Variants in GPR158 observed in about 807,000 individuals in gnomAD.
GPR158 encodes the protein G protein-coupled receptor 158.
GPR158 carries 30 observed loss-of-function variants against 78.2 expected under a neutral mutation model. The ratio of observed to expected loss-of-function variants is 0.38; its 90% confidence interval spans 0.29 to 0.52. The LOEUF (loss-of-function observed/expected upper bound fraction) is 0.52, where lower values mean the gene tolerates loss of function less well. Ranked by LOEUF, GPR158 falls within the 20% of genes least tolerant of loss-of-function variation. The pLI is 0.83. For synonymous variants in GPR158, 581 were observed against 591.1 expected, an observed-to-expected ratio of 0.98 and a Z score of 0.25; for missense variants, 1,463 against 1,523.5, an observed-to-expected ratio of 0.96 and a Z score of 0.66.
intron 4 of GPR158, among the ~76,000 whole-genome samples, chr10:25,426,434 G>A (rs1834821132): frequency 6.6e-6 from 1 of 152,068 alleles, no homozygotes; most frequent in Non-Finnish European, 1.5e-5. Context: ...CTCCCTAAGT[G>A]TAATCATTTC....
intron 5 of GPR158, among the ~76,000 whole-genome samples, chr10:25,526,103 TA>T (rs4017850): frequency 0.25 from 16,905 of 68,066 alleles, 1,397 homozygotes; most frequent in Non-Finnish European, 0.3. Context: ...CAATTTTGTC[TA>T]AAAAAAAAAA....
At position 25,596,711 on chromosome 10, in the gene GPR158, G is replaced by A. The variant is rs745935007; in HGVS notation, c.2067G>A (p.Met689Ile). ...AAGCATATGAGGATGAGCTAGACAT[G>A]GGCCGATCTGGATCCTACCTGAACA... ...ATEAYEDELD[M>I]GRSGSYLNSS... The change falls in exon 10 of 11, where the codon ATG (methionine) becomes ATA (isoleucine). Residue 689 changes from methionine (M) to isoleucine (I), a missense_variant. Met to Ile is a conservative substitution (Grantham distance 10, BLOSUM62 1). Transcript: ENST00000376351. The A allele has an allele frequency of 2.5e-6, 4 of 1,613,356 alleles. No individual in the cohort carries two copies. In the African/African-American group the frequency reaches 4.0e-5, roughly 16 times the overall value.
At chr10:25,457,868 T>G (rs940297730) in intron 4 of GPR158, among the ~76,000 whole-genome samples, 2 of 152,206 alleles carry the variant, frequency 1.3e-5, no homozygotes, top group Non-Finnish European at 2.9e-5. Flanking sequence ...CATTTAAGTG[T>G]GCACATTATT....
At chr10:25,179,933 C>T (rs1029825432) in intron 1 of GPR158, among the ~76,000 whole-genome samples, 6 of 152,056 alleles carry the variant, frequency 3.9e-5, no homozygotes, top group Admixed American at 1.3e-4. Context: ...GATTTTTCTT[C>T]GTGGGACTTA....
intron 4 of GPR158, among the ~76,000 whole-genome samples, chr10:25,432,710 A>G (rs1834928758): frequency 6.6e-6 from 1 of 152,032 alleles, no homozygotes; most frequent in Admixed American, 6.5e-5. Context: ...AGCACTTCCC[A>G]ATTTTTTCTT....
intron 3 of GPR158, among the ~76,000 whole-genome samples, chr10:25,401,932 G>A (rs11014527): frequency 0.088 from 13,409 of 151,950 alleles, 642 homozygotes; most frequent in East Asian, 0.17. Flanking sequence ...TTCCTACCTG[G>A]CTTTTAGCAA....
chr10:25,187,818 A>G (rs1019829007), intron 1 of GPR158, among the ~76,000 whole-genome samples: 1 of 152,204 alleles, frequency 6.6e-6, no homozygotes, highest in African/African-American at 2.4e-5. Flanking sequence ...AAGGGTATTC[A>G]ATTAGGAAAA....
At chr10:25,479,842 T>A (rs1182353498) in intron 5 of GPR158, among the ~76,000 whole-genome samples, 1 of 152,170 alleles carries the variant, frequency 6.6e-6, no homozygotes, top group Admixed American at 6.6e-5. Flanking sequence ...ATTTCTCCTC[T>A]TCTTCGTGAT....
chr10:25,560,948 C>T (rs1028417941), intron 6 of GPR158, among the ~76,000 whole-genome samples: 1 of 152,048 alleles, frequency 6.6e-6, no homozygotes, highest in Non-Finnish European at 1.5e-5. Flanking sequence ...CTAGGAAATA[C>T]TTAATGTGTG....
chr10:25,375,054 G>A (rs1341736109), intron 2 of GPR158, among the ~76,000 whole-genome samples: 2 of 151,434 alleles, frequency 1.3e-5, no homozygotes, highest in Non-Finnish European at 3.0e-5. Flanking sequence ...GCCAGTAGTT[G>A]GTGTGATCAC....
intron 5 of GPR158, among the ~76,000 whole-genome samples, chr10:25,468,988 G>A (rs1043124323): frequency 2.6e-5 from 4 of 152,208 alleles, no homozygotes; most frequent in Admixed American, 2.6e-4. Context: ...TCCCTTGGCA[G>A]AGACCTGAAA....
chr10:25,287,212 T>C (rs1438002929), intron 2 of GPR158, among the ~76,000 whole-genome samples: 1 of 152,002 alleles, frequency 6.6e-6, no homozygotes, highest in Non-Finnish European at 1.5e-5. Context: ...TTTCCACTGC[T>C]CTTCCCCGAG....
intron 2 of GPR158, among the ~76,000 whole-genome samples, chr10:25,318,275 A>C (rs762545044): frequency 1.2e-4 from 18 of 150,996 alleles, no homozygotes; most frequent in Non-Finnish European, 2.1e-4. Flanking sequence ...TTACTGTGCA[A>C]TTTCCAACAG....
intron 2 of GPR158, among the ~76,000 whole-genome samples, chr10:25,275,126 TAAA>T (rs949432687): frequency 1.3e-5 from 2 of 152,202 alleles, no homozygotes; most frequent in African/African-American, 4.8e-5. Context: ...TAAATCTCCT[TAAA>T]AAGTTTCCAG....
intron 5 of GPR158, among the ~76,000 whole-genome samples, chr10:25,495,357 A>ATCTTGGC (rs1442344033): frequency 5.5e-5 from 7 of 127,618 alleles, no homozygotes; most frequent in African/African-American, 2.1e-4. Flanking sequence ...GAGTGGCACG[A>ATCTTGGC]TCTTGGCTCA....
intron 2 of GPR158, among the ~76,000 whole-genome samples, chr10:25,372,667 A>G (rs991951805): frequency 7.7e-6 from 1 of 129,658 alleles, no homozygotes; most frequent in African/African-American, 2.9e-5. Flanking sequence ...ATGAGAACAC[A>G]TGGACACAGG....
At chr10:25,522,944 C>A (rs1836298111) in intron 5 of GPR158, among the ~76,000 whole-genome samples, 1 of 151,576 alleles carries the variant, frequency 6.6e-6, no homozygotes, top group Non-Finnish European at 1.5e-5. Flanking sequence ...TTTTTTTAAA[C>A]TTAAAAAAAG....
chr10:25,317,920 G>C (rs1854884022), intron 2 of GPR158, among the ~76,000 whole-genome samples: 1 of 151,906 alleles, frequency 6.6e-6, no homozygotes, highest in Non-Finnish European at 1.5e-5. Context: ...GTAGGGACAG[G>C]GTTTCACCAT....
intron 2 of GPR158, among the ~76,000 whole-genome samples, chr10:25,354,063 G>GT (rs1184167480): frequency 4.6e-5 from 7 of 151,982 alleles, no homozygotes; most frequent in Non-Finnish European, 7.4e-5. Context: ...GATTTAAAAA[G>GT]TTATTAAAGC....
Sources: allele counts gnomAD v4.1 joint callset (sites outside exome capture counted in the v4.1 genomes callset), GRCh38; gene constraint gnomAD v4.1.1; transcripts MANE v1.5; gene names NCBI Gene and HGNC (gene_info 2026-07-23, HGNC 2026-07-21).